DDX60L: variants seen among roughly 807,000 people sequenced by gnomAD.
DDX60L encodes the protein probable ATP-dependent RNA helicase DDX60-like.
Under a neutral mutation model 211.6 loss-of-function variants are expected in DDX60L, and 191 were observed. That is an observed-to-expected ratio of 0.90 (90% CI 0.80 to 1.02). The LOEUF is 1.02. Ranked by LOEUF, DDX60L falls within the 50% of genes least tolerant of loss-of-function variation. The pLI, the probability that DDX60L is intolerant of heterozygous loss-of-function variation, is 0.00. For synonymous variants in DDX60L, 706 were observed against 694.1 expected (o/e 1.02, Z -0.27); for missense variants, 2,007 against 1,984.1 (o/e 1.01, Z -0.22).
chr4:168,450,043 C>T (rs1755591411), intron 8 of DDX60L, among the ~76,000 whole-genome samples: 1 of 152,080 alleles, frequency 6.6e-6, no homozygotes, highest in Admixed American at 6.6e-5. Context: ...AACAAACCCC[C>T]TTCATTCCTG....
chr4:168,395,930 CGT>C (rs1745684911), intron 27 of DDX60L, 27 bp downstream of exon 27: 1 of 1,445,974 alleles, frequency 6.9e-7, no homozygotes. Flanking sequence ...ACAACTGTAA[CGT>C]ATTATATTAA....
At chr4:168,387,856 A>G (rs553227785) in intron 29 of DDX60L, among the ~76,000 whole-genome samples, 2 of 152,204 alleles carry the variant, frequency 1.3e-5, no homozygotes, top group Non-Finnish European at 2.9e-5. Flanking sequence ...TAATCCTCAC[A>G]TGGGCTGTGG....
rs761883442 is a variant in DDX60L, at chr4:168,441,420, A to G, written c.1211T>C (p.Val404Ala). 6.2e-7 allele frequency: 1 copy of G among 1,613,140 alleles called. No individual in the cohort carries two copies. The highest frequency in any genetic ancestry group is 8.5e-7 in the Non-Finnish European group (1 of 1,179,532). ...AGACTTTCCAACGTTAAATTCTTTAACCAGGTGTGACACAACATTCCACAG... is the reference window on the plus strand; with the variant it reads ...AGACTTTCCAACGTTAAATTCTTTAGCCAGGTGTGACACAACATTCCACAG... The part of the protein sequence containing the change: ...EDLWNVVSHL[V>A]KEFNVGKSFP... Residue 404 changes from valine to alanine, a missense_variant, in exon 10 of 38, where the codon GTT becomes GCT. By Grantham distance (64) the Val-to-Ala change is moderately conservative. Transcript: ENST00000682922.
chr4:168,469,225 T>C (rs1373216195), intron 4 of DDX60L: 1 of 151,880 alleles, frequency 6.6e-6, no homozygotes, highest in Non-Finnish European at 1.5e-5. Context: ...TGATGGAACA[T>C]AGTAGAAAGC....
intron 10 of DDX60L, 104 bp downstream of exon 10, chr4:168,441,233 T>C: frequency 8.7e-7 from 1 of 1,151,144 alleles, no homozygotes; most frequent in Non-Finnish European, 1.2e-6. Flanking sequence ...GAAAGCACAG[T>C]GAAGGAAAAT....
chr4:168,441,533 C>A, intron 9 of DDX60L, 41 bp from the exon 10 acceptor site: 2 of 1,467,046 alleles, frequency 1.4e-6, no homozygotes, highest in East Asian at 2.3e-5. Context: ...AAAAGTCATA[C>A]ACATGCAGAC....
At chr4:168,405,863 TACAAAAC>T in intron 24 of DDX60L, 80 bp downstream of exon 24, 1 of 1,380,774 alleles carries the variant, frequency 7.2e-7, no homozygotes, top group Non-Finnish European at 9.6e-7. Flanking sequence ...ATAAAAAGAT[TACAAAAC>T]ATTTATTGGC....
chr4:168,394,665 A>C, intron 27 of DDX60L, 48 bp from the exon 28 acceptor site: 1 of 1,518,326 alleles, frequency 6.6e-7, no homozygotes, highest in Non-Finnish European at 8.9e-7. Context: ...ATTTTATTTA[A>C]TTTCAAGCTC....
chr4:168,468,544 T>C (rs1310980963), intron 4 of DDX60L, among the ~76,000 whole-genome samples: 1 of 152,182 alleles, frequency 6.6e-6, no homozygotes, highest in East Asian at 1.9e-4. Context: ...TGATACCTAG[T>C]AGGGAAATAA....
chr4:168,472,705 C>G lies in DDX60L; in HGVS notation c.-6G>C, dbSNP rs551386346. ...AAAGATTGAGAATTACCCATCGTTG[C>G]TGCTTCTTGGGCTACAGGGTAGAAG... On this transcript the variant is annotated 5_prime_UTR_variant, in exon 2 of 38. Coordinates refer to ENST00000682922, the MANE Select transcript of DDX60L (RefSeq NM_001012967.3). The G allele has an allele frequency of 1.2e-6, 2 of 1,613,342 alleles. No homozygotes were observed. Among genetic ancestry groups the G allele is most frequent in the East Asian group, 2.2e-5 (1 of 44,842 alleles).
rs758284091 is a variant in DDX60L, at chr4:168,361,214, A to G, written c.4929-3T>C. The G allele has an allele frequency of 1.3e-6, 2 of 1,566,596 alleles. No individual in the cohort carries two copies. The highest frequency in any genetic ancestry group is 1.1e-5 in the South Asian group (1 of 88,084). ...TTAAAAGCTGTCCCATACGCATCCTAAAGAGAACAACATTTCTTAATTAAA... is the reference window on the plus strand; with the variant it reads ...TTAAAAGCTGTCCCATACGCATCCTGAAGAGAACAACATTTCTTAATTAAA... On this transcript the variant is annotated splice_region_variant and splice_polypyrimidine_tract_variant and intron_variant, in intron 36 of 37. Transcript: ENST00000682922.
intron 22 of DDX60L, 64 bp from the exon 23 acceptor site, chr4:168,406,770 T>C: frequency 1.6e-6 from 2 of 1,220,738 alleles, no homozygotes; most frequent in Non-Finnish European, 2.3e-6. Context: ...ATTTCTTTTA[T>C]TTTATCTTTC....
In DDX60L at chr4:168,427,145, AATT is replaced by A; in HGVS notation, c.1852_1854del (p.Asn618del). On this transcript the variant is annotated inframe_deletion, in exon 14 of 38. Transcript: ENST00000682922. ...AACATTTCAACTCCAAATTTCACTG[AATT>A]ACTTGCACATGATGTCAAATAATCT... 6.2e-7 allele frequency: 1 copy of A among 1,610,078 alleles called. No homozygotes were observed. Among genetic ancestry groups the A allele is most frequent in the Non-Finnish European group, 8.5e-7 (1 of 1,177,562 alleles).
chr4:168,422,605 T>A lies in DDX60L; in HGVS notation c.2163A>T (p.Gln721His). Residue 721 changes from glutamine (Q) to histidine (H), a missense_variant, in exon 16 of 38, where the codon CAA (glutamine) becomes CAT (histidine). Transcript: ENST00000682922. ...IDIGPARFQL[Q>H]YMGHYLIRDE... Reference sequence around the variant, plus strand: ...CTCTTATCAAGTAATGGCCCATGTATTGCAGTTGAAACCGAGCTGGTCCAA... The same window carrying A: ...CTCTTATCAAGTAATGGCCCATGTAATGCAGTTGAAACCGAGCTGGTCCAA... 2 of 1,613,770 alleles carry A rather than the reference T, an allele frequency of 1.2e-6. No individual in the cohort carries two copies.
intron 35 of DDX60L, among the ~76,000 whole-genome samples, chr4:168,371,968 G>A (rs1741112822): frequency 6.6e-6 from 1 of 152,156 alleles, no homozygotes; most frequent in Admixed American, 6.5e-5. Flanking sequence ...ACAGACACTG[G>A]CCACTGTGAC....
chr4:168,440,632 T>A (rs1248272835), intron 10 of DDX60L, among the ~76,000 whole-genome samples: 1 of 152,164 alleles, frequency 6.6e-6, no homozygotes, highest in Non-Finnish European at 1.5e-5. Flanking sequence ...CTATTACTCA[T>A]CCTTCAGACC....
chr4:168,472,610 T>A (rs1010789441), intron 2 of DDX60L, 86 bp from the exon 3 acceptor site: 7 of 1,580,962 alleles, frequency 4.4e-6, no homozygotes, highest in Non-Finnish European at 6.1e-6. Flanking sequence ...AATATAGACA[T>A]CCAATTACTT....
At chr4:168,448,819 G>C (rs954360121) in intron 8 of DDX60L, 40 bp from the exon 9 acceptor site, 2 of 1,570,052 alleles carry the variant, frequency 1.3e-6, no homozygotes, top group Admixed American at 3.6e-5. Flanking sequence ...AGGGAGGCAT[G>C]GAATAATTTC....
At position 168,471,840 on chromosome 4, in the gene DDX60L, C is replaced by A; in HGVS notation, c.171G>T (p.Lys57Asn). The change falls in exon 4 of 38, where the codon AAG becomes AAT. Residue 57 changes from lysine to asparagine, a missense_variant. Transcript: ENST00000682922. ...AGAAAAAGTGGAGATTCTGTCCCCA[C>A]TTGAATGATTTTACACCCAGGCATG... ...LVTCLGVKSF[K>N]WGQNLHFFYL... 6.2e-7 allele frequency: 1 copy of A among 1,613,808 alleles called. No homozygotes were observed.
Sources: gnomAD v4.1 joint callset for allele counts (sites outside exome capture counted in the v4.1 genomes callset) on GRCh38, gnomAD v4.1.1 for gene constraint, MANE v1.5 for transcripts, NCBI Gene and HGNC (gene_info 2026-07-23, HGNC 2026-07-21) for gene names.